The following PPM1G variants were observed in gnomAD, a reference collection of about 807,000 sequenced individuals.
PPM1G encodes protein phosphatase 1G.
In PPM1G, 12 loss-of-function variants were observed where a neutral mutation model predicts 59.4. The observed-to-expected ratio is 0.20, with a 90% confidence interval of 0.13 to 0.33. The LOEUF (loss-of-function observed/expected upper bound fraction) is 0.33, where lower values mean the gene tolerates loss of function less well. Among genes scored for constraint, PPM1G ranks in the 10% least tolerant of loss-of-function variants. The pLI is 1.00. For synonymous variants in PPM1G, 245 were observed against 251.9 expected, an observed-to-expected ratio of 0.97 and a Z score of 0.26; for missense variants, 392 against 681.3, an observed-to-expected ratio of 0.58 and a Z score of 4.73.
intron 1 of PPM1G, among the ~76,000 whole-genome samples, chr2:27,405,072 A>AT (rs781356301): frequency 0.98 from 125,846 of 128,048 alleles, 61,892 homozygotes; most frequent in South Asian, 0.99. Context: ...AACCTACCTC[A>AT]TTTTTTTTTT....
At chr2:27,404,275 C>T (rs1239533974) in intron 1 of PPM1G, among the ~76,000 whole-genome samples, 4 of 152,044 alleles carry the variant, frequency 2.6e-5, no homozygotes, top group Admixed American at 2.0e-4. Flanking sequence ...TGGCCGGGCA[C>T]GGTAGCTCAC....
chr2:27,385,534 A>T lies in PPM1G; in HGVS notation c.409+213T>A. 1.7e-6 allele frequency: 1 copy of T among 599,616 alleles called. No homozygotes were observed. The highest frequency in any genetic ancestry group is 2.8e-6 in the Non-Finnish European group (1 of 357,804). 37.1% of individuals were successfully genotyped at this position (599,616 alleles called of 1,614,324 possible). ...ATCACAATGACAAAAGATAATGTAT[A>T]TACAATGCTTACAGCTCAGATGCCA... On this transcript the variant is annotated intron_variant, in intron 4 of 9. Coordinates refer to ENST00000344034, the MANE Select transcript of PPM1G (RefSeq NM_177983.3). This position sits in a 1 kb window ranked among gnomAD's most constrained non-coding sequence, Gnocchi z 4.1.
rs1233763026 is a variant in PPM1G, at chr2:27,383,896, G to A, written c.966+56C>T. 2 of 1,546,652 alleles carry A rather than the reference G, an allele frequency of 1.3e-6. No homozygotes were observed. The highest frequency in any genetic ancestry group is 1.4e-5 in the African/African-American group (1 of 72,944). On this transcript the variant is annotated intron_variant, in intron 6 of 9. Transcript: ENST00000344034. This position sits in a 1 kb window ranked among gnomAD's most constrained non-coding sequence, Gnocchi z 5.0. ...CCCCTGTCTCAAAATCAAAATTAGG[G>A]GATTCACACCTGCCTTGTGGCTTTT...
chr2:27,407,257 T>C (rs994483286), intron 1 of PPM1G, among the ~76,000 whole-genome samples: 1 of 151,048 alleles, frequency 6.6e-6, no homozygotes, highest in Non-Finnish European at 1.5e-5. Context: ...TGAGCCACCA[T>C]GCCTGGCCTA....
Position 27,382,695 on chromosome 2 carries a change from C to A in PPM1G, c.1202-90G>T. The A allele has an allele frequency of 6.6e-7, 1 of 1,515,330 alleles. No individual in the cohort carries two copies. Among genetic ancestry groups the A allele is most frequent in the Admixed American group, 1.8e-5 (1 of 55,250 alleles). The allele number at this position is 1,515,330 out of a possible 1,614,324, so 93.9% of individuals were successfully genotyped here. A position where few individuals can be genotyped will look rare whatever the true frequency, so the allele number is the denominator to read the frequency against. On this transcript the variant is annotated intron_variant, in intron 7 of 9. Coordinates refer to ENST00000344034, the MANE Select transcript of PPM1G (RefSeq NM_177983.3). The surrounding 1 kb of genome is among the most constrained non-coding windows in gnomAD (Gnocchi z 4.2). ...TCAAACCTTGCCATTCATTTCCCTT[C>A]TTTACAAAGTTCCATAATCTAGTGG...
intron 1 of PPM1G, among the ~76,000 whole-genome samples, chr2:27,401,400 T>C (rs759424317): frequency 8.5e-5 from 13 of 152,206 alleles, no homozygotes; most frequent in Non-Finnish European, 1.5e-4. Context: ...GGCAAATTCA[T>C]AGAGGTCATG....
Position 27,381,416 on chromosome 2 carries a change from A to G in PPM1G, c.*183T>C. 1.5e-6 allele frequency: 1 copy of G among 645,542 alleles called. No individual in the cohort carries two copies. The highest frequency in any genetic ancestry group is 2.7e-6 in the Non-Finnish European group (1 of 370,994). The allele number at this position is 645,542 out of a possible 1,614,324, so 40.0% of individuals were successfully genotyped here. ...CGAGGAGCAGAGGCGGCTGGGAAGG[A>G]CAGCAGAGGCTCCCGGCTGCAGTGT... is the stretch of plus-strand genomic sequence containing the variant. On this transcript the variant is annotated 3_prime_UTR_variant, in exon 10 of 10. Transcript: ENST00000344034.
intron 1 of PPM1G, among the ~76,000 whole-genome samples, chr2:27,402,842 AAAT>A (rs1558321991): frequency 3.5e-5 from 5 of 143,258 alleles, no homozygotes; most frequent in Middle Eastern, 3.6e-3. Context: ...ATAAATAAAT[AAAT>A]AAATAAATAA....
intron 1 of PPM1G, chr2:27,392,732 C>T: frequency 9.4e-7 from 1 of 1,062,534 alleles, no homozygotes; most frequent in South Asian, 1.2e-5. Context: ...ACATGCGCTG[C>T]CTTGGTGACA....
intron 1 of PPM1G, chr2:27,393,297 T>C: frequency 1.9e-6 from 3 of 1,598,066 alleles, no homozygotes; most frequent in Admixed American, 3.3e-5. Flanking sequence ...CAGGTTGATC[T>C]GGCGGTTGAT....
chr2:27,401,937 G>C (rs1684188841), intron 1 of PPM1G, among the ~76,000 whole-genome samples: 1 of 152,008 alleles, frequency 6.6e-6, no homozygotes, highest in African/African-American at 2.4e-5. Flanking sequence ...CTCTTAAAGT[G>C]AGTTCATATA....
chr2:27,393,604 GAGAA>G (rs551633568), intron 1 of PPM1G, among the ~76,000 whole-genome samples: 2 of 152,180 alleles, frequency 1.3e-5, no homozygotes, highest in South Asian at 4.2e-4. Flanking sequence ...ATTTTTTTCT[GAGAA>G]AGAGTCTCAC....
At position 27,392,302 on chromosome 2, in the gene PPM1G, T is replaced by TTG. The variant is rs1683928155; in HGVS notation, c.121-5145_121-5144insCA. ...GTTTGTTTTGTTTTTTTTTTTTTTT[T>TTG]TTTTTTTTGAGAGAGAGAATGTCTC... is the stretch of plus-strand genomic sequence containing the variant. On this transcript the variant is annotated intron_variant, in intron 1 of 9. Transcript: ENST00000344034. Among the ~76,000 whole-genome samples, 4 of 144,032 alleles carry TTG rather than the reference T, an allele frequency of 2.8e-5. 1 individual carries two copies. The highest frequency in any genetic ancestry group is 1.1e-4 in the African/African-American group (4 of 38,072). 94.5% of individuals were successfully genotyped at this position (144,032 alleles called of 152,430 possible).
chr2:27,402,919 A>C (rs1684219866), intron 1 of PPM1G, among the ~76,000 whole-genome samples: 2 of 125,282 alleles, frequency 1.6e-5, no homozygotes, highest in Non-Finnish European at 1.7e-5. Context: ...TACAAAAAAA[A>C]ACTTAAAAAA....
Position 27,409,476 on chromosome 2 carries a change from C to A in PPM1G, c.-54G>T. ...CAGGAAAGCTGGGCGCGACCCGTGC[C>A]GGAGCCGAAGCCCCGGGGGTGCGCG... is the stretch of plus-strand genomic sequence containing the variant. On this transcript the variant is annotated 5_prime_UTR_variant, in exon 1 of 10. Transcript: ENST00000344034. 7.0e-7 allele frequency: 1 copy of A among 1,421,388 alleles called. No homozygotes were observed. Among genetic ancestry groups the A allele is most frequent in the Non-Finnish European group, 9.2e-7 (1 of 1,091,520 alleles). The allele number at this position is 1,421,388 out of a possible 1,614,324, so 88.0% of individuals were successfully genotyped here.
Position 27,393,173 on chromosome 2 carries a change from T to C in PPM1G, c.121-6015A>G, listed in dbSNP as rs765855511. Reference sequence around the variant, plus strand: ...ACAGCTTCATCAATTTCTCAGCATGTTCCCTCTCCTCATGAGATTGGTGAA... The same window carrying C: ...ACAGCTTCATCAATTTCTCAGCATGCTCCCTCTCCTCATGAGATTGGTGAA... On this transcript the variant is annotated intron_variant, in intron 1 of 9. Transcript: ENST00000344034. 4.5e-4 allele frequency: 664 copies of C among 1,481,798 alleles called. 1 individual carries two copies. Among genetic ancestry groups the C allele is most frequent in the Middle Eastern group, 1.2e-3 (5 of 4,304 alleles). The allele number at this position is 1,481,798 out of a possible 1,614,324, so 91.8% of individuals were successfully genotyped here.
Position 27,383,478 on chromosome 2 carries a change from G to C in PPM1G, c.1089C>G (p.Ser363=). The C allele has an allele frequency of 6.2e-7, 1 of 1,614,150 alleles. No individual in the cohort carries two copies. The highest frequency in any genetic ancestry group is 1.1e-5 in the South Asian group (1 of 91,080). The change falls in exon 7 of 10, where the codon TCC becomes TCG. Residue 363 remains serine, a synonymous_variant. Transcript: ENST00000344034. This position sits in a 1 kb window ranked among gnomAD's most constrained non-coding sequence, Gnocchi z 5.0. ...CTTCATCCTCTGGTTTGTGATCATA[G>C]GACATGTCTAAAGCTTTGCCAGCCT... is the stretch of plus-strand genomic sequence containing the variant. ...VSEAGKALDM[S]YDHKPEDEVE...
chr2:27,392,615 G>GC (rs1428975224), intron 1 of PPM1G, among the ~76,000 whole-genome samples: 9 of 150,442 alleles, frequency 6.0e-5, no homozygotes, highest in African/African-American at 2.2e-4. Flanking sequence ...TTTTTTTGGG[G>GC]GGGGGGAGGG....
At chr2:27,386,954 G>A in intron 2 of PPM1G, 135 bp downstream of exon 2, 1 of 665,792 alleles carries the variant, frequency 1.5e-6, no homozygotes, top group Non-Finnish European at 2.7e-6. Flanking sequence ...ACAGAATACA[G>A]AAAAACAGCA....
Sources: gnomAD v4.1 joint callset for allele counts (sites outside exome capture counted in the v4.1 genomes callset) on GRCh38, gnomAD v4.1.1 for gene constraint, Gnocchi (gnomAD v3.1) non-coding constraint, MANE v1.5 for transcripts, NCBI Gene and HGNC (gene_info 2026-07-23, HGNC 2026-07-21) for gene names.